Variants in ADAM28 observed in about 807,000 individuals in gnomAD.
The protein encoded by ADAM28 is ADAM metallopeptidase domain 28.
ADAM28 carries 105 observed loss-of-function variants against 101.2 expected under a neutral mutation model. The ratio of observed to expected loss-of-function variants is 1.04; its 90% confidence interval spans 0.89 to 1.22. The LOEUF is 1.22. ADAM28 is among the 50% of genes most tolerant of loss of function. The pLI, the probability that ADAM28 is intolerant of heterozygous loss-of-function variation, is 0.00. For synonymous variants in ADAM28, 322 were observed against 310.6 expected, an observed-to-expected ratio of 1.04 and a Z score of -0.39; for missense variants, 1,028 against 945.4, an observed-to-expected ratio of 1.09 and a Z score of -1.15.
chr8:24,356,764 A>G lies in ADAM28; in HGVS notation c.*2360A>G, dbSNP rs1054128497. 18 of 152,182 alleles carry G rather than the reference A, an allele frequency of 1.2e-4. No individual in the cohort carries two copies. The highest frequency in any genetic ancestry group is 3.2e-3 in the Middle Eastern group (1 of 316). 9.4% of individuals were successfully genotyped at this position (152,182 alleles called of 1,614,324 possible). A position where few individuals can be genotyped will look rare whatever the true frequency, so the allele number is the denominator to read the frequency against. Reference sequence around the variant, plus strand: ...TAGTTATTTTTACCTTGTCTACTTTAAAACAGTGAAATTATTAGGTTAAAT... The same window carrying G: ...TAGTTATTTTTACCTTGTCTACTTTGAAACAGTGAAATTATTAGGTTAAAT... On this transcript the variant is annotated 3_prime_UTR_variant, in exon 23 of 23. Coordinates refer to ENST00000265769, the MANE Select transcript of ADAM28 (RefSeq NM_014265.6).
At chr8:24,299,581 A>C (rs1808431195) in intron 1 of ADAM28, among the ~76,000 whole-genome samples, 1 of 151,918 alleles carries the variant, frequency 6.6e-6, no homozygotes, top group Non-Finnish European at 1.5e-5. Flanking sequence ...CTTCAACCCA[A>C]TTTTTCTGGG....
intron 2 of ADAM28, among the ~76,000 whole-genome samples, chr8:24,306,377 T>TAG (rs1809670839): frequency 7.2e-6 from 1 of 138,230 alleles, no homozygotes; most frequent in Non-Finnish European, 1.5e-5. Context: ...TATATATATA[T>TAG]ATATATATTT....
In ADAM28 at chr8:24,299,553, A is replaced by T. The variant is rs553137237; in HGVS notation, c.47-421A>T. ...ACATTAGTTATTTTATTTTTCTAAC[A>T]TTGTATGGTTTCCAGTGCTTCAACC... On this transcript the variant is annotated intron_variant, in intron 1 of 22. Transcript: ENST00000265769. Among the ~76,000 whole-genome samples the T allele has an allele frequency of 2.2e-3, 331 of 152,278 alleles. 1 individual carries two copies. The highest frequency in any genetic ancestry group is 4.0e-3 in the Non-Finnish European group (273 of 68,020).
chr8:24,310,791 C>T (rs932472169), intron 4 of ADAM28, among the ~76,000 whole-genome samples: 2 of 152,124 alleles, frequency 1.3e-5, no homozygotes, highest in South Asian at 2.1e-4. Context: ...TCAGAGTTTA[C>T]ATGGGTCAAC....
At chr8:24,316,953 C>T (rs763154360) in intron 6 of ADAM28, among the ~76,000 whole-genome samples, 2 of 151,772 alleles carry the variant, frequency 1.3e-5, no homozygotes, top group African/African-American at 2.4e-5. Context: ...TCAAGAACAC[C>T]ATTCCATTTA....
At chr8:24,325,870 GCA>G (rs1812474426) in intron 9 of ADAM28, among the ~76,000 whole-genome samples, 1 of 1,800 alleles carries the variant, frequency 5.6e-4, no homozygotes, top group Non-Finnish European at 9.7e-4. Flanking sequence ...TGTACAGATA[GCA>G]AAAAAAAAAA....
In ADAM28 at chr8:24,331,182, G is replaced by T. The variant is rs1338909579; in HGVS notation, c.1136G>T (p.Ser379Ile). The T allele has an allele frequency of 3.7e-6, 6 of 1,612,818 alleles. No individual in the cohort carries two copies. The highest frequency in any genetic ancestry group is 2.7e-5 in the African/African-American group (2 of 74,846). ...FYIPTDFSSC[S>I]RLSYDKFFED... Reference sequence around the variant, plus strand: ...ATACCCACAGACTTCAGTTCCTGCAGCCGTCTCAGCTATGACAAGTTTTTT... The same window carrying T: ...ATACCCACAGACTTCAGTTCCTGCATCCGTCTCAGCTATGACAAGTTTTTT... The change falls in exon 12 of 23, where the codon AGC becomes ATC. Residue 379 changes from serine (S) to isoleucine (I), a missense_variant. Physicochemically the swap from Ser to Ile is moderately radical, Grantham distance 142 (BLOSUM62 -2). Transcript: ENST00000265769.
At position 24,301,725 on chromosome 8, in the gene ADAM28, G is replaced by C. The variant is rs192056135; in HGVS notation, c.150+1648G>C. Among the ~76,000 whole-genome samples the C allele has an allele frequency of 3.2e-3, 482 of 152,232 alleles. 3 individuals carry two copies. Among genetic ancestry groups the C allele is most frequent in the African/African-American group, 0.011 (449 of 41,538 alleles). ...GGCTGCCTATCCAAGCAGCTAAATTGATTTAATATATGGGAGAGTCCATAT... is the reference window on the plus strand; with the variant it reads ...GGCTGCCTATCCAAGCAGCTAAATTCATTTAATATATGGGAGAGTCCATAT... On this transcript the variant is annotated intron_variant, in intron 2 of 22. Coordinates refer to ENST00000265769, the MANE Select transcript of ADAM28 (RefSeq NM_014265.6).
intron 22 of ADAM28, 81 bp downstream of exon 22, chr8:24,353,913 G>GA (rs947507234): frequency 9.0e-6 from 9 of 998,212 alleles, no homozygotes; most frequent in African/African-American, 6.6e-5. Context: ...TGTCTTTTTA[G>GA]AAAAAAACTT....
chr8:24,313,674 C>T, intron 6 of ADAM28, 94 bp downstream of exon 6: 1 of 1,299,056 alleles, frequency 7.7e-7, no homozygotes, highest in Non-Finnish European at 1.1e-6. Flanking sequence ...TAGTCATTGT[C>T]AAAATTAGTA....
chr8:24,348,516 G>T (rs542206784), intron 18 of ADAM28, among the ~76,000 whole-genome samples: 2 of 152,042 alleles, frequency 1.3e-5, no homozygotes, highest in Non-Finnish European at 2.9e-5. Flanking sequence ...ATTATTTTCT[G>T]TCTCTCCAGG....
chr8:24,311,855 C>T (rs549951621), intron 5 of ADAM28, among the ~76,000 whole-genome samples: 1 of 152,096 alleles, frequency 6.6e-6, no homozygotes, highest in Non-Finnish European at 1.5e-5. Flanking sequence ...TCTCCTACCT[C>T]AGCCTCTCGA....
intron 16 of ADAM28, among the ~76,000 whole-genome samples, chr8:24,342,455 C>T (rs1814894534): frequency 6.6e-6 from 1 of 152,106 alleles, no homozygotes; most frequent in South Asian, 2.1e-4. Flanking sequence ...CTCTGAACCC[C>T]TGGAGCTGAA....
intron 1 of ADAM28, among the ~76,000 whole-genome samples, chr8:24,298,027 T>C (rs1031378777): frequency 6.6e-6 from 1 of 152,192 alleles, no homozygotes; most frequent in Non-Finnish European, 1.5e-5. Context: ...AGGCTTATTT[T>C]ATCACATTGG....
Position 24,332,658 on chromosome 8 carries a change from A to G in ADAM28, c.1282-2A>G, listed in dbSNP as rs747854170. On this transcript the variant is annotated splice_acceptor_variant, in intron 12 of 22. Coordinates refer to ENST00000265769, the MANE Select transcript of ADAM28 (RefSeq NM_014265.6). LOFTEE classifies it high-confidence loss of function. ...TTTACATTTGTTTCTCATATTTCTT[A>G]GGAATGTACCAATATTTGCTGTGAT... 17 of 1,471,458 alleles carry G rather than the reference A, an allele frequency of 1.2e-5. No individual in the cohort carries two copies. Among genetic ancestry groups the G allele is most frequent in the Non-Finnish European group, 1.6e-5 (17 of 1,095,970 alleles). The allele number at this position is 1,471,458 out of a possible 1,614,324, so 91.2% of individuals were successfully genotyped here.
intron 20 of ADAM28, chr8:24,351,567 G>C: frequency 1.8e-6 from 1 of 544,236 alleles, no homozygotes; most frequent in South Asian, 2.0e-5. Flanking sequence ...CTCTCTCTTT[G>C]TCTCTGCTTC....
intron 16 of ADAM28, among the ~76,000 whole-genome samples, chr8:24,341,978 C>T (rs546145335): frequency 3.0e-4 from 46 of 152,108 alleles, no homozygotes; most frequent in Non-Finnish European, 5.4e-4. Context: ...TTCTCAAACA[C>T]TGTGGTGAAA....
At chr8:24,296,699 G>C (rs1195920494) in intron 1 of ADAM28, among the ~76,000 whole-genome samples, 1 of 152,130 alleles carries the variant, frequency 6.6e-6, no homozygotes, top group Non-Finnish European at 1.5e-5. Flanking sequence ...TTCCTGATCT[G>C]GTTTTGCTAG....
chr8:24,333,045 G>A (rs1400912356), intron 13 of ADAM28, among the ~76,000 whole-genome samples: 1 of 152,128 alleles, frequency 6.6e-6, no homozygotes, highest in East Asian at 1.9e-4. Flanking sequence ...AGAACATTAT[G>A]CCAACTGAAA....
Sources: gnomAD v4.1 joint callset for allele counts (sites outside exome capture counted in the v4.1 genomes callset) on GRCh38, gnomAD v4.1.1 for gene constraint, MANE v1.5 for transcripts, NCBI Gene and HGNC (gene_info 2026-07-23, HGNC 2026-07-21) for gene names.